CACNA2D2: variants seen among roughly 807,000 people sequenced by gnomAD.
The protein encoded by CACNA2D2 is calcium voltage-gated channel auxiliary subunit alpha2delta 2, also known as voltage-dependent calcium channel subunit alpha-2/delta-2.
CACNA2D2 carries 48 observed loss-of-function variants against 166.4 expected under a neutral mutation model. The observed-to-expected ratio is 0.29, with a 90% confidence interval of 0.23 to 0.37. CACNA2D2 has a LOEUF of 0.37. Among genes scored for constraint, CACNA2D2 ranks in the 10% least tolerant of loss-of-function variants. The probability of loss-of-function intolerance (pLI) is 1.00; values close to 1 mark genes in which losing one functional copy is unlikely to be tolerated. For missense variants in CACNA2D2, 1,122 were observed against 1,433.0 expected (o/e 0.78, Z 3.50); for synonymous variants, 561 against 573.7 (o/e 0.98, Z 0.32).
intron 3 of CACNA2D2, among the ~76,000 whole-genome samples, chr3:50,400,639 G>A (rs1193930435): frequency 6.6e-6 from 1 of 152,234 alleles, no homozygotes; most frequent in Non-Finnish European, 1.5e-5. Context: ...CGTGACTTAC[G>A]TGCTGAGGGT....
intron 2 of CACNA2D2, among the ~76,000 whole-genome samples, chr3:50,455,617 G>A (rs2106978341): frequency 6.6e-6 from 1 of 152,258 alleles, no homozygotes; most frequent in South Asian, 2.1e-4. Flanking sequence ...CTGCAGGCCA[G>A]GGCCACACGG....
At chr3:50,371,030 C>A (rs587677244) in intron 22 of CACNA2D2, among the ~76,000 whole-genome samples, 1 of 152,006 alleles carries the variant, frequency 6.6e-6, no homozygotes. Context: ...AGTGCATTGT[C>A]GGGGCTGGTG....
At chr3:50,430,300 C>T (rs536294969) in intron 3 of CACNA2D2, among the ~76,000 whole-genome samples, 2 of 152,330 alleles carry the variant, frequency 1.3e-5, no homozygotes, top group East Asian at 3.9e-4. Flanking sequence ...CCACTGGGGT[C>T]ACCCCTCACC....
intron 3 of CACNA2D2, among the ~76,000 whole-genome samples, chr3:50,425,018 G>A (rs577152179): frequency 2.6e-5 from 4 of 152,228 alleles, no homozygotes; most frequent in Admixed American, 2.6e-4. Context: ...GAGAGGCATC[G>A]CTCGCTATGT....
intron 1 of CACNA2D2, among the ~76,000 whole-genome samples, chr3:50,477,773 C>G (rs369937700): frequency 3.9e-5 from 6 of 152,160 alleles, no homozygotes; most frequent in African/African-American, 1.4e-4. Flanking sequence ...GGAGGTACCC[C>G]GGGAGCCATG....
chr3:50,425,737 A>AG (rs918093797), intron 3 of CACNA2D2, among the ~76,000 whole-genome samples: 7 of 152,052 alleles, frequency 4.6e-5, no homozygotes, highest in African/African-American at 1.7e-4. Context: ...GGGCACCATC[A>AG]GGGGATCCTC....
chr3:50,463,855 T>G (rs954946751), intron 2 of CACNA2D2, among the ~76,000 whole-genome samples: 4 of 152,206 alleles, frequency 2.6e-5, no homozygotes, highest in African/African-American at 7.2e-5. Context: ...AGGACCCTCA[T>G]GTGAGCCTGC....
In CACNA2D2 at chr3:50,375,050, C is replaced by A. The variant is rs1423975944; in HGVS notation, c.1908-237G>T. Among the ~76,000 whole-genome samples, 1 of 152,174 alleles carries A rather than the reference C, an allele frequency of 6.6e-6. No homozygotes were observed. Among genetic ancestry groups the A allele is most frequent in the Non-Finnish European group, 1.5e-5 (1 of 68,008 alleles). ...CCGGGCAACCAGCCCCAAAGCAAAT[C>A]CCCACACCATCTCCCCTCCCAGCAG... is the stretch of plus-strand genomic sequence containing the variant. On this transcript the variant is annotated intron_variant, in intron 21 of 37. Transcript: ENST00000424201. The surrounding 1 kb of genome is among the most constrained non-coding windows in gnomAD (Gnocchi z 4.0).
chr3:50,366,402 C>G lies in CACNA2D2; in HGVS notation c.2638-64G>C. ...TGGGCCCCGGACCTTCCACCGCAGG[C>G]AGTCCAGTGGTTCAGAGTTGGGGGG... On this transcript the variant is annotated intron_variant, in intron 30 of 37. Coordinates refer to ENST00000424201, the MANE Select transcript of CACNA2D2 (RefSeq NM_006030.4). This position sits in a 1 kb window ranked among gnomAD's most constrained non-coding sequence, Gnocchi z 5.9. 1 of 1,555,508 alleles carries G rather than the reference C, an allele frequency of 6.4e-7. No homozygotes were observed. The highest frequency in any genetic ancestry group is 8.9e-7 in the Non-Finnish European group (1 of 1,126,982).
chr3:50,472,184 A>G (rs1710127083), intron 2 of CACNA2D2, among the ~76,000 whole-genome samples: 1 of 152,194 alleles, frequency 6.6e-6, no homozygotes, highest in African/African-American at 2.4e-5. Context: ...GCTGGTGGAG[A>G]CAGCAGCCAG....
chr3:50,388,934 T>C (rs949965492), intron 4 of CACNA2D2, among the ~76,000 whole-genome samples: 34 of 152,232 alleles, frequency 2.2e-4, no homozygotes, highest in African/African-American at 7.2e-4. Flanking sequence ...TCCTGAGGAA[T>C]GTAAGGCCAA....
chr3:50,376,643 G>A lies in CACNA2D2; in HGVS notation c.1627-455C>T, dbSNP rs944395416. 5.9e-5 allele frequency among the ~76,000 whole-genome samples: 9 copies of A among 152,270 alleles called. No homozygotes were observed. Among genetic ancestry groups the A allele is most frequent in the South Asian group, 2.1e-4 (1 of 4,820 alleles). ...CTACCTGGGGCTTCCCTTCCAGGTG[G>A]AAGGGAAGTAGGAGTAAGTGGGACC... On this transcript the variant is annotated intron_variant, in intron 17 of 37. Transcript: ENST00000424201. The surrounding 1 kb of genome is among the most constrained non-coding windows in gnomAD (Gnocchi z 4.3).
chr3:50,491,290 A>C (rs1373667382), intron 1 of CACNA2D2, among the ~76,000 whole-genome samples: 3 of 152,196 alleles, frequency 2.0e-5, no homozygotes. Flanking sequence ...GGTGCTGAGA[A>C]CAGTGAGGAC....
intron 3 of CACNA2D2, among the ~76,000 whole-genome samples, chr3:50,410,221 G>C (rs1373857867): frequency 2.0e-5 from 3 of 152,230 alleles, no homozygotes; most frequent in African/African-American, 7.2e-5. Flanking sequence ...TCTGGAAAAA[G>C]GGCAGGGCAG....
Position 50,397,941 on chromosome 3 carries a change from T to C in CACNA2D2, c.406-3773A>G, listed in dbSNP as rs9311452. ...CCCAGACCTTGGGCTCCTGTCCCCA[T>C]AGAGCTGACAATAGTCAGGCCTGCT... On this transcript the variant is annotated intron_variant, in intron 3 of 37. Coordinates refer to ENST00000424201, the MANE Select transcript of CACNA2D2 (RefSeq NM_006030.4). Among the ~76,000 whole-genome samples, 617 of 152,260 alleles carry C rather than the reference T, an allele frequency of 4.1e-3. 5 individuals are homozygous for C. Among genetic ancestry groups the C allele is most frequent in the African/African-American group, 0.014 (584 of 41,548 alleles).
At chr3:50,468,185 G>T (rs1317263217) in intron 2 of CACNA2D2, among the ~76,000 whole-genome samples, 2 of 152,194 alleles carry the variant, frequency 1.3e-5, no homozygotes, top group African/African-American at 4.8e-5. Context: ...CGAACATTCA[G>T]ACCAGCCTCC....
chr3:50,435,139 G>GTGTA (rs1366596376), intron 2 of CACNA2D2, among the ~76,000 whole-genome samples: 5 of 151,740 alleles, frequency 3.3e-5, no homozygotes, highest in Admixed American at 3.3e-4. Context: ...CTGAGGGTGT[G>GTGTA]TGTGTGTGTG....
At chr3:50,407,602 C>CA in intron 3 of CACNA2D2, among the ~76,000 whole-genome samples, 1 of 152,326 alleles carries the variant, frequency 6.6e-6, no homozygotes, top group South Asian at 2.1e-4. Flanking sequence ...CCAGGAGCTG[C>CA]ATGTGTAATG....
intron 3 of CACNA2D2, among the ~76,000 whole-genome samples, chr3:50,409,755 G>A (rs1031412734): frequency 5.9e-5 from 9 of 152,206 alleles, no homozygotes; most frequent in African/African-American, 2.2e-4. Flanking sequence ...GATTAGCCCA[G>A]GAGACACCCT....
Sources: allele counts gnomAD v4.1 joint callset (sites outside exome capture counted in the v4.1 genomes callset), GRCh38; gene constraint gnomAD v4.1.1; non-coding constraint Gnocchi (gnomAD v3.1); transcripts MANE v1.5; gene names NCBI Gene and HGNC (gene_info 2026-07-23, HGNC 2026-07-21).